The following ESR1 variants were observed in gnomAD, a reference collection of about 807,000 sequenced individuals.
ESR1 encodes estrogen receptor 1.
In ESR1, 12 loss-of-function variants were observed where a neutral mutation model predicts 52.7. The ratio of observed to expected loss-of-function variants is 0.23; its 90% CI spans 0.15 to 0.37. ESR1 has a LOEUF of 0.37. ESR1 is among the 10% of genes least tolerant of loss of function. The pLI is 1.00. For synonymous variants in ESR1, 305 were observed against 316.8 expected, an observed-to-expected ratio of 0.96 and a Z score of 0.39; for missense variants, 584 against 779.7, an observed-to-expected ratio of 0.75 and a Z score of 2.99.
chr6:151,999,650 A>G (rs2041795689), intron 4 of ESR1, among the ~76,000 whole-genome samples: 1 of 152,106 alleles, frequency 6.6e-6, no homozygotes, highest in Non-Finnish European at 1.5e-5. Flanking sequence ...TCGAGAGAAA[A>G]TATGTAATGA....
intron 1 of ESR1, among the ~76,000 whole-genome samples, chr6:151,691,821 A>G (rs3020334): frequency 0.41 from 61,627 of 152,132 alleles, 12,833 homozygotes; most frequent in Non-Finnish European, 0.43. Context: ...TTTGTATACC[A>G]TAAAATCCCT....
At chr6:151,958,142 T>C (rs2037214817) in intron 4 of ESR1, among the ~76,000 whole-genome samples, 2 of 152,258 alleles carry the variant, frequency 1.3e-5, no homozygotes, top group Admixed American at 1.3e-4. Flanking sequence ...GTTGAATGGA[T>C]ATTTGGTGGG....
intron 3 of ESR1, among the ~76,000 whole-genome samples, chr6:151,940,385 A>C (rs566083732): frequency 1.3e-5 from 2 of 152,254 alleles, no homozygotes; most frequent in African/African-American, 4.8e-5. Context: ...CGCTAAGTGA[A>C]TCTACTTTCA....
At chr6:151,850,046 T>TATATGCATATAAAATAA (rs1562474143) in intron 2 of ESR1, among the ~76,000 whole-genome samples, 2 of 57,450 alleles carry the variant, frequency 3.5e-5, no homozygotes, top group Admixed American at 1.9e-4. Context: ...ATATATAATT[T>TATATGCATATAAAATAA]TATATATATA....
chr6:152,107,410 T>A (rs2051080164), downstream of ESR1, among the ~76,000 whole-genome samples: 1 of 152,246 alleles, frequency 6.6e-6, no homozygotes, highest in East Asian at 1.9e-4. Flanking sequence ...TGAATTTTTA[T>A]TTCCATTATT....
At chr6:151,698,625 C>A (rs1260634170) in intron 1 of ESR1, among the ~76,000 whole-genome samples, 2 of 152,010 alleles carry the variant, frequency 1.3e-5, no homozygotes, top group Non-Finnish European at 1.5e-5. Flanking sequence ...CTTTTTCCTT[C>A]TCTTCCAAGG....
At chr6:152,021,312 T>C (rs1181523002) in intron 5 of ESR1, among the ~76,000 whole-genome samples, 1 of 152,154 alleles carries the variant, frequency 6.6e-6, no homozygotes, top group African/African-American at 2.4e-5. Flanking sequence ...ATATTCAGTT[T>C]TGGGACTCGG....
chr6:151,954,948 G>GCC, intron 4 of ESR1, among the ~76,000 whole-genome samples: 1 of 152,152 alleles, frequency 6.6e-6, no homozygotes, highest in South Asian at 2.1e-4. Flanking sequence ...TTTACATTGG[G>GCC]TCTGTGGAAG....
chr6:151,925,724 T>G (rs891397460), intron 3 of ESR1, among the ~76,000 whole-genome samples: 14 of 152,222 alleles, frequency 9.2e-5, no homozygotes, highest in African/African-American at 3.4e-4. Context: ...CAGCCATGTG[T>G]TTCACAAATA....
chr6:151,810,070 A>G (rs1778559408), intron 1 of ESR1, among the ~76,000 whole-genome samples: 1 of 152,148 alleles, frequency 6.6e-6, no homozygotes, highest in African/African-American at 2.4e-5. Flanking sequence ...AATGGGCACT[A>G]ATGAGACTGC....
chr6:151,867,514 A>G (rs1323225624), intron 2 of ESR1, among the ~76,000 whole-genome samples: 1 of 152,174 alleles, frequency 6.6e-6, no homozygotes, highest in East Asian at 1.9e-4. Flanking sequence ...TACACTGCCA[A>G]CAACATAAAT....
At chr6:151,782,077 G>A (rs763064562) in intron 2 of ESR1, among the ~76,000 whole-genome samples, 3 of 152,102 alleles carry the variant, frequency 2.0e-5, no homozygotes, top group Admixed American at 6.5e-5. Context: ...GAAAAAGTTG[G>A]GATCTTGGAT....
chr6:151,855,497 C>G (rs933561921), intron 2 of ESR1, among the ~76,000 whole-genome samples: 1 of 152,164 alleles, frequency 6.6e-6, no homozygotes, highest in Non-Finnish European at 1.5e-5. Flanking sequence ...TTCACATTCT[C>G]TTCCCTAGAG....
chr6:151,969,250 A>T (rs34066278), intron 4 of ESR1, among the ~76,000 whole-genome samples: 35,267 of 151,942 alleles, frequency 0.23, 5,071 homozygotes, highest in African/African-American at 0.41. Context: ...GTTTATTTTT[A>T]AAAAATATTT....
chr6:151,713,803 A>G (rs914232990), intron 2 of ESR1, among the ~76,000 whole-genome samples: 3 of 151,004 alleles, frequency 2.0e-5, no homozygotes, highest in Non-Finnish European at 4.4e-5. Context: ...GTGTTCATTG[A>G]TTTTTTTTTG....
chr6:152,069,406 AG>A (rs1358769779), intron 6 of ESR1, among the ~76,000 whole-genome samples: 2 of 136,570 alleles, frequency 1.5e-5, no homozygotes, highest in Non-Finnish European at 3.0e-5. Flanking sequence ...GGCAAACTTG[AG>A]GGGTTTTTTT....
intron 3 of ESR1, among the ~76,000 whole-genome samples, chr6:151,943,843 A>T (rs2128524078): frequency 6.6e-6 from 1 of 152,320 alleles, no homozygotes; most frequent in South Asian, 2.1e-4. Flanking sequence ...ATCAGTTTGT[A>T]TGGGCTCACC....
chr6:152,006,085 T>C (rs78249383), intron 4 of ESR1, among the ~76,000 whole-genome samples: 181 of 152,138 alleles, frequency 1.2e-3, no homozygotes, highest in Non-Finnish European at 2.3e-3. Context: ...GTGATGGTGA[T>C]GTAGGGTAGG....
chr6:151,873,421 G>A (rs1791303878), intron 2 of ESR1, among the ~76,000 whole-genome samples: 1 of 152,114 alleles, frequency 6.6e-6, no homozygotes, highest in African/African-American at 2.4e-5. Flanking sequence ...GGTTTCCTTG[G>A]TAGAGAGAAT....
Sources: allele counts gnomAD v4.1 joint callset (sites outside exome capture counted in the v4.1 genomes callset), GRCh38; gene constraint gnomAD v4.1.1; transcripts MANE v1.5; gene names NCBI Gene and HGNC (gene_info 2026-07-23, HGNC 2026-07-21).